The following SHOC1 variants were observed in gnomAD, a reference collection of about 807,000 sequenced individuals.
SHOC1 encodes the protein shortage in chiasmata 1.
A neutral mutation model predicts 179.2 loss-of-function variants in SHOC1; 136 were observed. The ratio of observed to expected loss-of-function variants is 0.76; its 90% confidence interval spans 0.66 to 0.87. The LOEUF is 0.87. SHOC1 is among the 40% of genes least tolerant of loss of function. SHOC1 has a pLI of 0.00. For synonymous variants in SHOC1, 489 were observed against 586.6 expected (o/e 0.83, Z 2.41); for missense variants, 1,538 against 1,700.8 (o/e 0.90, Z 1.68).
In SHOC1 at chr9:111,700,054, A is replaced by G. The variant is rs2131337056; in HGVS notation, c.3090-7T>C. Reference sequence around the variant, plus strand: ...CTTTTCTGTAAGCAGATACCTACAAAGAATTATATTACTATATTTCTATTC... The same window carrying G: ...CTTTTCTGTAAGCAGATACCTACAAGGAATTATATTACTATATTTCTATTC... On this transcript the variant is annotated splice_region_variant and splice_polypyrimidine_tract_variant and intron_variant, in intron 23 of 27. Coordinates refer to ENST00000682961, the MANE Select transcript of SHOC1 (RefSeq NM_001378211.1). The G allele has an allele frequency of 7.4e-7, 1 of 1,346,814 alleles. No homozygotes were observed. The highest frequency in any genetic ancestry group is 2.3e-5 in the East Asian group (1 of 43,200). The allele number at this position is 1,346,814 out of a possible 1,614,324, so 83.4% of individuals were successfully genotyped here.
rs1216642200 is a variant in SHOC1, at chr9:111,786,054, T to C, written c.46-19A>G. 1 of 1,451,304 alleles carries C rather than the reference T, an allele frequency of 6.9e-7. No homozygotes were observed. Among genetic ancestry groups the C allele is most frequent in the South Asian group, 1.4e-5 (1 of 69,168 alleles). 89.9% of individuals were successfully genotyped at this position (1,451,304 alleles called of 1,614,324 possible). ...CCACATTCTGTGGAAGAAAGAAAGA[T>C]TAGAAAATCTTTTAACATGTACTAT... is the stretch of plus-strand genomic sequence containing the variant. On this transcript the variant is annotated intron_variant, in intron 2 of 27. Transcript: ENST00000682961.
chr9:111,793,876 A>G (rs915084974), intron 1 of SHOC1, among the ~76,000 whole-genome samples: 2 of 151,950 alleles, frequency 1.3e-5, no homozygotes, highest in Non-Finnish European at 2.9e-5. Context: ...TTTTTGAGAC[A>G]GAGTCTCCCT....
intron 17 of SHOC1, among the ~76,000 whole-genome samples, chr9:111,714,199 T>C (rs1346233488): frequency 1.3e-5 from 2 of 152,098 alleles, no homozygotes; most frequent in East Asian, 3.9e-4. Flanking sequence ...ATTTTTTTTA[T>C]AGAGACAAGG....
At chr9:111,764,617 G>C (rs1483417489) in intron 5 of SHOC1, among the ~76,000 whole-genome samples, 1 of 152,016 alleles carries the variant, frequency 6.6e-6, no homozygotes, top group African/African-American at 2.4e-5. Flanking sequence ...TGGTAGTGAG[G>C]GTATAAAAGA....
intron 22 of SHOC1, 117 bp downstream of exon 22, chr9:111,703,764 G>T: frequency 1.9e-6 from 1 of 523,872 alleles, no homozygotes; most frequent in Non-Finnish European, 3.3e-6. Context: ...TGGCCCATTT[G>T]CAAAATTTAG....
intron 11 of SHOC1, 45 bp from the exon 12 acceptor site, chr9:111,738,567 G>A (rs1212072762): frequency 6.9e-7 from 1 of 1,453,384 alleles, no homozygotes; most frequent in African/African-American, 1.5e-5. Flanking sequence ...AGTCTACAAA[G>A]CAAAAGAAAC....
rs866337609 is a variant in SHOC1, at chr9:111,758,780, G to A, written c.511C>T (p.Leu171Phe). ...SRKHLPTLPT[L>F]LSRLKLFLVK... ...AAAAACAGTTTTAGTCTACTCAAGA[G>A]AGTAGGCAAAGTTGGTAGGTGTTTT... Residue 171 changes from leucine to phenylalanine, a missense_variant, in exon 6 of 28, where the codon CTC (leucine) becomes TTC (phenylalanine). Coordinates refer to ENST00000682961, the MANE Select transcript of SHOC1 (RefSeq NM_001378211.1). 23 of 1,600,288 alleles carry A rather than the reference G, an allele frequency of 1.4e-5. No homozygotes were observed. The highest frequency in any genetic ancestry group is 2.0e-5 in the Non-Finnish European group (23 of 1,171,806).
chr9:111,733,670 C>T (rs1020605520), intron 12 of SHOC1, among the ~76,000 whole-genome samples: 1 of 152,214 alleles, frequency 6.6e-6, no homozygotes, highest in Middle Eastern at 3.4e-3. Context: ...CAGTTTGAGA[C>T]CAGCTTGGCC....
chr9:111,794,263 G>A (rs1400668543), intron 1 of SHOC1, among the ~76,000 whole-genome samples: 9 of 131,782 alleles, frequency 6.8e-5, no homozygotes, highest in African/African-American at 2.3e-4. Context: ...TCACTCCCTC[G>A]CATAAAAACC....
intron 18 of SHOC1, among the ~76,000 whole-genome samples, chr9:111,711,753 A>C (rs1414137542): frequency 6.6e-6 from 1 of 152,188 alleles, no homozygotes; most frequent in Non-Finnish European, 1.5e-5. Flanking sequence ...AGAATATATA[A>C]AAAGATTGTT....
intron 24 of SHOC1, among the ~76,000 whole-genome samples, chr9:111,697,974 A>C (rs1279961077): frequency 6.6e-6 from 1 of 152,078 alleles, no homozygotes; most frequent in Non-Finnish European, 1.5e-5. Flanking sequence ...TGTCTGTTGG[A>C]TGCATAAATG....
chr9:111,743,206 AT>A (rs563289285), intron 10 of SHOC1, among the ~76,000 whole-genome samples: 107 of 152,074 alleles, frequency 7.0e-4, no homozygotes, highest in African/African-American at 2.4e-3. Context: ...ATTCTTTGTT[AT>A]TTTTCCTTCT....
chr9:111,745,440 T>C (rs909331918), intron 10 of SHOC1, among the ~76,000 whole-genome samples: 6 of 152,180 alleles, frequency 3.9e-5, no homozygotes, highest in Admixed American at 2.6e-4. Flanking sequence ...ACAAAATTCT[T>C]ATGTTGAAGA....
At position 111,748,107 on chromosome 9, in the gene SHOC1, C is replaced by G; in HGVS notation, c.955G>C (p.Glu319Gln). 6.2e-7 allele frequency: 1 copy of G among 1,613,144 alleles called. No individual in the cohort carries two copies. The highest frequency in any genetic ancestry group is 8.5e-7 in the Non-Finnish European group (1 of 1,179,284). The change falls in exon 9 of 28, where the codon GAG becomes CAG. Residue 319 changes from glutamate (E) to glutamine (Q), a missense_variant. Transcript: ENST00000682961. ...LTIQSQSEPEECSKPGELEMP... is the reference protein window; with the variant it reads ...LTIQSQSEPEQCSKPGELEMP... Reference sequence around the variant, plus strand: ...AAATTTCTACCTGGTTTACTGCACTCTTCTGGTTCACTCTGGCTTTGAATG... The same window carrying G: ...AAATTTCTACCTGGTTTACTGCACTGTTCTGGTTCACTCTGGCTTTGAATG...
intron 18 of SHOC1, among the ~76,000 whole-genome samples, chr9:111,712,813 T>G (rs760279568): frequency 2.0e-5 from 3 of 152,194 alleles, no homozygotes; most frequent in Non-Finnish European, 2.9e-5. Flanking sequence ...AACCTATTCA[T>G]AGAATTGTAA....
chr9:111,689,161 G>A (rs1010049996), intron 27 of SHOC1, among the ~76,000 whole-genome samples: 2 of 151,692 alleles, frequency 1.3e-5, no homozygotes, highest in East Asian at 3.9e-4. Flanking sequence ...TGAGGCAGGC[G>A]GATTGCTTGA....
chr9:111,780,810 TA>T, intron 4 of SHOC1, 119 bp downstream of exon 4: 1 of 641,416 alleles, frequency 1.6e-6, no homozygotes, highest in Non-Finnish European at 2.6e-6. Context: ...TTTCTTCAGA[TA>T]AAAGAAGAAA....
At chr9:111,699,484 A>T (rs1308846476) in intron 24 of SHOC1, among the ~76,000 whole-genome samples, 1 of 152,212 alleles carries the variant, frequency 6.6e-6, no homozygotes, top group East Asian at 1.9e-4. Flanking sequence ...AAAGAAAAGA[A>T]TGTAATGTGA....
At position 111,718,174 on chromosome 9, in the gene SHOC1, C is replaced by A. The variant is rs778718127; in HGVS notation, c.2236+10G>T. ...GGAAGAAAAGAGGAAATAAAATATT[C>A]CCCACCAACCCAATGCTGTGTCCAA... is the stretch of plus-strand genomic sequence containing the variant. On this transcript the variant is annotated intron_variant, in intron 16 of 27. Coordinates refer to ENST00000682961, the MANE Select transcript of SHOC1 (RefSeq NM_001378211.1). 5 of 1,532,182 alleles carry A rather than the reference C, an allele frequency of 3.3e-6. No individual in the cohort carries two copies. The highest frequency in any genetic ancestry group is 2.6e-5 in the South Asian group (2 of 78,254). 94.9% of individuals were successfully genotyped at this position (1,532,182 alleles called of 1,614,324 possible).
Sources: gnomAD v4.1 joint callset for allele counts (sites outside exome capture counted in the v4.1 genomes callset) on GRCh38, gnomAD v4.1.1 for gene constraint, MANE v1.5 for transcripts, NCBI Gene and HGNC (gene_info 2026-07-23, HGNC 2026-07-21) for gene names.